The following ZNF518A variants were observed in gnomAD, a reference collection of about 807,000 sequenced individuals.
The protein encoded by ZNF518A is zinc finger protein 518.
ZNF518A carries 47 observed loss-of-function variants against 102.7 expected under a neutral mutation model. That is an observed-to-expected ratio of 0.46 (90% confidence interval 0.36 to 0.58). The LOEUF (loss-of-function observed/expected upper bound fraction) is 0.58. ZNF518A is among the 20% of genes least tolerant of loss of function. The pLI, the probability that ZNF518A is intolerant of heterozygous loss-of-function variation, is 0.00. For missense variants in ZNF518A, 1,793 were observed against 1,699.8 expected (o/e 1.05, Z -0.96); for synonymous variants, 652 against 594.6 (o/e 1.10, Z -1.40).
At chr10:96,142,383 T>C (rs1232638792) in intron 3 of ZNF518A, among the ~76,000 whole-genome samples, 2 of 151,662 alleles carry the variant, frequency 1.3e-5, no homozygotes, top group Admixed American at 6.6e-5. Flanking sequence ...CAGAACCTTA[T>C]ATTTTTCAGT....
chr10:96,198,326 CA>C (rs1554895213), intron 1 of ZNF518A, among the ~76,000 whole-genome samples: 1 of 152,026 alleles, frequency 6.6e-6, no homozygotes, highest in African/African-American at 2.4e-5. Flanking sequence ...AGAAGAAAAA[CA>C]AATAAGGGAA....
In ZNF518A at chr10:96,158,578, C is replaced by G; in HGVS notation, c.2256C>G (p.Asp752Glu). ...ECATEKSKWE[D>E]FSNVDSPMMP... ...CGACTGAAAAATCTAAATGGGAAGA[C>G]TTTTCTAATGTCGATTCACCTATGA... The change falls in exon 6 of 6, where the codon GAC (aspartate) becomes GAG (glutamate). Residue 752 changes from aspartate (D) to glutamate (E), a missense_variant. By Grantham distance (45) the Asp-to-Glu change is conservative. Around this residue, in one of 3 missense-constraint regions of ZNF518A, gnomAD observed 1,741 missense variants for 1,622.6 expected, o/e 1.07. Coordinates refer to ENST00000316045, the MANE Select transcript of ZNF518A (RefSeq NM_001330736.2). 6.2e-7 allele frequency: 1 copy of G among 1,613,120 alleles called. No individual in the cohort carries two copies. The highest frequency in any genetic ancestry group is 1.1e-5 in the South Asian group (1 of 91,018).
chr10:96,168,635 T>C (rs1554890619), downstream of ZNF518A, among the ~76,000 whole-genome samples: 2 of 152,168 alleles, frequency 1.3e-5, no homozygotes, highest in African/African-American at 2.4e-5. Context: ...GTTGACAGTT[T>C]TGTTTTCTTT....
At chr10:96,142,756 A>C (rs2081996623) in intron 3 of ZNF518A, among the ~76,000 whole-genome samples, 1 of 150,758 alleles carries the variant, frequency 6.6e-6, no homozygotes, top group African/African-American at 2.4e-5. Context: ...TTGGCATTTT[A>C]CTTTGGGAAT....
intron 3 of ZNF518A, among the ~76,000 whole-genome samples, chr10:96,155,061 A>G (rs1375499275): frequency 6.6e-6 from 1 of 152,068 alleles, no homozygotes; most frequent in Admixed American, 6.6e-5. Context: ...ATACATATAT[A>G]TATATATAAA....
At chr10:96,190,425 C>T (rs1236076520) in intron 1 of ZNF518A, among the ~76,000 whole-genome samples, 3 of 152,228 alleles carry the variant, frequency 2.0e-5, no homozygotes, top group South Asian at 2.1e-4. Flanking sequence ...CTACTGACCT[C>T]ATCTTACCTT....
chr10:96,139,234 C>G (rs1312031636), intron 3 of ZNF518A, among the ~76,000 whole-genome samples: 1 of 152,122 alleles, frequency 6.6e-6, no homozygotes, highest in East Asian at 1.9e-4. Flanking sequence ...CTGTTTCTTG[C>G]AGGCCTTTGT....
Position 96,158,376 on chromosome 10 carries a change from T to A in ZNF518A, c.2054T>A (p.Leu685Gln), listed in dbSNP as rs2082811321. The A allele has an allele frequency of 6.2e-7, 1 of 1,613,584 alleles. No homozygotes were observed. Among genetic ancestry groups the A allele is most frequent in the African/African-American group, 1.3e-5 (1 of 74,908 alleles). The change falls in exon 6 of 6, where the codon CTA becomes CAA. Residue 685 changes from leucine to glutamine, a missense_variant. Coordinates refer to ENST00000316045, the MANE Select transcript of ZNF518A (RefSeq NM_001330736.2). ...QQPISESFLS[L>Q]VRQESSKPDS... ...CCAATTAGTGAATCATTTTTATCACTAGTGAGGCAGGAGAGCTCAAAACCA... is the reference window on the plus strand; with the variant it reads ...CCAATTAGTGAATCATTTTTATCACAAGTGAGGCAGGAGAGCTCAAAACCA...
intron 1 of ZNF518A, among the ~76,000 whole-genome samples, chr10:96,179,861 T>TTTTCTTCTTCTTTCTTTC (rs2083228604): frequency 6.7e-6 from 1 of 149,390 alleles, no homozygotes; most frequent in African/African-American, 2.5e-5. Flanking sequence ...TTTCTTCTTT[T>TTTTCTTCTTCTTTCTTTC]TTTCTTCTTC....
chr10:96,173,324 TC>T (rs1175551933), intron 1 of ZNF518A, among the ~76,000 whole-genome samples: 3 of 62,684 alleles, frequency 4.8e-5, no homozygotes, highest in Non-Finnish European at 1.6e-4. Context: ...TCTGTGGAGA[TC>T]ACAGTTCTAG....
Position 96,200,102 on chromosome 10 carries a change from A to T in ZNF518A, n.36-3472A>T. 6.2e-7 allele frequency: 1 copy of T among 1,614,126 alleles called. No individual in the cohort carries two copies. Among genetic ancestry groups the T allele is most frequent in the South Asian group, 1.1e-5 (1 of 91,068 alleles). ...TGTTTGATCTGTGCAATGCCTCTTC[A>T]GCAGACTTTCGATCACAGGCTCCAG... On this transcript the variant is annotated intron_variant and non_coding_transcript_variant, in intron 1 of 2. Coordinates refer to the ZNF518A transcript ENST00000442635. This position sits in a 1 kb window ranked among gnomAD's most constrained non-coding sequence, Gnocchi z 4.3.
intron 1 of ZNF518A, among the ~76,000 whole-genome samples, chr10:96,179,177 A>T (rs1160910529): frequency 2.0e-5 from 3 of 152,166 alleles, no homozygotes; most frequent in African/African-American, 7.2e-5. Flanking sequence ...AAACCCAGCA[A>T]TATATAAAAT....
rs1591085232 is a variant in ZNF518A at position 96,132,316 on chromosome 10, A to G, written c.-452-270A>G. Among the ~76,000 whole-genome samples the G allele has an allele frequency of 2.0e-5, 3 of 151,618 alleles. No homozygotes were observed. The South Asian group carries it at 6.3e-4, about 32-fold the overall frequency. On this transcript the variant is annotated intron_variant, in intron 1 of 5. Coordinates refer to ENST00000316045, the MANE Select transcript of ZNF518A (RefSeq NM_001330736.2). ...GGAACCGGATCCAGATATTATTTCT[A>G]GTTTTGTGACTTTGGGCAAGGCTCA...
chr10:96,164,719 T>C (rs945680155), downstream of ZNF518A, among the ~76,000 whole-genome samples: 3 of 152,214 alleles, frequency 2.0e-5, no homozygotes, highest in African/African-American at 4.8e-5. Flanking sequence ...GGAAAAAATA[T>C]AATGTACATC....
intron 1 of ZNF518A, among the ~76,000 whole-genome samples, chr10:96,182,640 A>G (rs2083246856): frequency 6.6e-6 from 1 of 152,080 alleles, no homozygotes; most frequent in Admixed American, 6.6e-5. Context: ...GCTGATTTGC[A>G]TATGTTGAAC....
chr10:96,193,462 G>A (rs2083378417), intron 1 of ZNF518A, among the ~76,000 whole-genome samples: 1 of 152,206 alleles, frequency 6.6e-6, no homozygotes, highest in Non-Finnish European at 1.5e-5. Flanking sequence ...ATATTTGTGA[G>A]TATTGCCTTG....
chr10:96,134,782 G>A (rs943590576), intron 3 of ZNF518A, among the ~76,000 whole-genome samples: 1 of 152,170 alleles, frequency 6.6e-6, no homozygotes. Flanking sequence ...TAGAATGAAG[G>A]TACATGATGT....
intron 3 of ZNF518A, among the ~76,000 whole-genome samples, chr10:96,146,837 G>T (rs906305570): frequency 1.2e-4 from 19 of 152,094 alleles, no homozygotes; most frequent in African/African-American, 4.1e-4. Context: ...TGAAAATTTG[G>T]TAGCAAGCCT....
In ZNF518A at chr10:96,157,100, T is replaced by C. The variant is rs1040904548; in HGVS notation, c.778T>C (p.Phe260Leu). ...GCACCTTCATATTCATTCTGGTACT[T>C]TTCCCTTCACTTGTCAATATTGTAG... ...QKHLHIHSGTFPFTCQYCSYG... is the reference protein window; with the variant it reads ...QKHLHIHSGTLPFTCQYCSYG... The change falls in exon 6 of 6, where the codon TTT (phenylalanine) becomes CTT (leucine). Residue 260 changes from phenylalanine to leucine, a missense_variant. By Grantham distance (22) the Phe-to-Leu change is conservative. This residue lies in a region of ZNF518A where 1,741 missense variants were observed against 1,622.6 expected (regional missense o/e 1.07). Coordinates refer to ENST00000316045, the MANE Select transcript of ZNF518A (RefSeq NM_001330736.2). 8 of 1,613,690 alleles carry C rather than the reference T, an allele frequency of 5.0e-6. No individual in the cohort carries two copies. The highest frequency in any genetic ancestry group is 1.7e-5 in the Admixed American group (1 of 59,992).
Sources: gnomAD v4.1 joint callset for allele counts (sites outside exome capture counted in the v4.1 genomes callset) on GRCh38, gnomAD v4.1.1 for gene constraint, gnomAD v4.1.1 regional missense constraint, Gnocchi (gnomAD v3.1) non-coding constraint, MANE v1.5 for transcripts, NCBI Gene and HGNC (gene_info 2026-07-23, HGNC 2026-07-21) for gene names.